CD247: variants seen among roughly 807,000 people sequenced by gnomAD.
CD247 encodes the protein T-cell surface glycoprotein CD3 zeta chain.
CD247 carries 13 observed loss-of-function variants against 30.0 expected under a neutral mutation model. The observed-to-expected ratio is 0.43, with a 90% CI of 0.28 to 0.69. The LOEUF (loss-of-function observed/expected upper bound fraction) is 0.69, where lower values mean the gene tolerates loss of function less well. CD247 is among the 30% of genes least tolerant of loss of function. The probability of loss-of-function intolerance (pLI) is 0.16; values close to 1 mark genes in which losing one functional copy is unlikely to be tolerated. For missense variants in CD247, 193 were observed against 212.6 expected, an observed-to-expected ratio of 0.91 and a Z score of 0.57; for synonymous variants, 72 against 80.0, an observed-to-expected ratio of 0.90 and a Z score of 0.53.
rs553879429 is a variant in CD247 at position 167,448,056 on chromosome 1, C to T, written c.59-7289G>A. Reference sequence around the variant, plus strand: ...CAGCATCCAGGCACCCAGACCATCCCCCTCAGTGGGTTGCTCCCTTTCATC... The same window carrying T: ...CAGCATCCAGGCACCCAGACCATCCTCCTCAGTGGGTTGCTCCCTTTCATC... On this transcript the variant is annotated intron_variant, in intron 1 of 7. Coordinates refer to ENST00000362089, the MANE Select transcript of CD247 (RefSeq NM_198053.3). Among the ~76,000 whole-genome samples, 3 of 152,256 alleles carry T rather than the reference C, an allele frequency of 2.0e-5. No homozygotes were observed. The South Asian group carries it at 6.2e-4, about 32-fold the overall frequency.
chr1:167,440,281 C>T, intron 2 of CD247: 2 of 314,730 alleles, frequency 6.4e-6, no homozygotes, highest in South Asian at 5.9e-5. Context: ...TCCCCAGTTA[C>T]AGATGAGGAA....
chr1:167,470,715 A>AT (rs1462285503), intron 1 of CD247, among the ~76,000 whole-genome samples: 1 of 151,456 alleles, frequency 6.6e-6, no homozygotes, highest in African/African-American at 2.4e-5. Flanking sequence ...AGTATTACCT[A>AT]TTTTTTGACT....
intron 1 of CD247, among the ~76,000 whole-genome samples, chr1:167,466,338 G>T (rs1209207943): frequency 8.6e-5 from 13 of 152,002 alleles, no homozygotes. Context: ...AAAAAAATCA[G>T]TTTGTACTGA....
chr1:167,518,298 G>C, intron 1 of CD247, 110 bp downstream of exon 1: 1 of 996,462 alleles, frequency 1.0e-6, no homozygotes. Flanking sequence ...AGGAGGGCAG[G>C]ATTTGAAGGA....
At position 167,494,457 on chromosome 1, in the gene CD247, A is replaced by G. The variant is rs1049680845; in HGVS notation, c.58+23951T>C. Reference sequence around the variant, plus strand: ...TGAGGAGGACCTCGGGAGAAATCGCATAGCTCCCTGGGCTGCAGTTTTCCC... The same window carrying G: ...TGAGGAGGACCTCGGGAGAAATCGCGTAGCTCCCTGGGCTGCAGTTTTCCC... On this transcript the variant is annotated intron_variant, in intron 1 of 7. Transcript: ENST00000362089. This position sits in a 1 kb window ranked among gnomAD's most constrained non-coding sequence, Gnocchi z 7.3. 5.3e-5 allele frequency among the ~76,000 whole-genome samples: 8 copies of G among 152,154 alleles called. No individual in the cohort carries two copies. Among genetic ancestry groups the G allele is most frequent in the African/African-American group, 1.9e-4 (8 of 41,448 alleles).
chr1:167,475,975 G>C (rs1028864797), intron 1 of CD247, among the ~76,000 whole-genome samples: 1 of 152,144 alleles, frequency 6.6e-6, no homozygotes, highest in Non-Finnish European at 1.5e-5. Context: ...TTGTAGGAGG[G>C]ATAATGGTAG....
In CD247 at chr1:167,440,626, G is replaced by A. The variant is rs770638774; in HGVS notation, c.162+38C>T. ...CCCTCTGAACATCCATCAAGTGGGG[G>A]ACCCCGTGCCCTCCTCCCAAAGCCC... On this transcript the variant is annotated intron_variant, in intron 2 of 7. Coordinates refer to ENST00000362089, the MANE Select transcript of CD247 (RefSeq NM_198053.3). The A allele has an allele frequency of 9.3e-6, 13 of 1,391,080 alleles. No homozygotes were observed. The African/African-American group carries it at 9.9e-5, about 11-fold the overall frequency. 86.2% of individuals were successfully genotyped at this position (1,391,080 alleles called of 1,614,324 possible). A position where few individuals can be genotyped will look rare whatever the true frequency, so the allele number is the denominator to read the frequency against.
chr1:167,454,620 T>C (rs544978560), intron 1 of CD247, among the ~76,000 whole-genome samples: 2 of 152,210 alleles, frequency 1.3e-5, no homozygotes, highest in South Asian at 4.1e-4. Context: ...TACATTTATA[T>C]ATGAACACAG....
intron 2 of CD247, chr1:167,439,642 C>T: frequency 1.1e-5 from 6 of 570,162 alleles, no homozygotes; most frequent in South Asian, 1.0e-4. Flanking sequence ...GGCCCAGGAC[C>T]CGCTGGAGTT....
At chr1:167,506,892 A>ATTTTTT (rs10587631) in intron 1 of CD247, among the ~76,000 whole-genome samples, 8 of 97,992 alleles carry the variant, frequency 8.2e-5, no homozygotes, top group African/African-American at 1.3e-4. Flanking sequence ...GTTCCCTCTG[A>ATTTTTT]TTTTTTTTTT....
intron 1 of CD247, among the ~76,000 whole-genome samples, chr1:167,467,011 T>G (rs1653282823): frequency 6.6e-6 from 1 of 152,144 alleles, no homozygotes; most frequent in Non-Finnish European, 1.5e-5. Context: ...TGCTAATTTT[T>G]TGTATTTTTA....
In CD247 at chr1:167,461,835, C is replaced by CA. The variant is rs11361450; in HGVS notation, c.59-21069dup. On this transcript the variant is annotated intron_variant, in intron 1 of 7. Transcript: ENST00000362089. ...TGCACTCCAGCCTGGGCGACAGGCT[C>CA]AAAAAAAAAAGGAGAAAATAGTCAA... Among the ~76,000 whole-genome samples the CA allele has an allele frequency of 5.8e-3, 867 of 150,648 alleles. 3 individuals are homozygous for CA. Among genetic ancestry groups the CA allele is most frequent in the South Asian group, 0.012 (56 of 4,750 alleles).
Position 167,506,892 on chromosome 1 carries a change from A to ATTT in CD247, c.58+11513_58+11515dup, listed in dbSNP as rs10587631. On this transcript the variant is annotated intron_variant, in intron 1 of 7. Coordinates refer to ENST00000362089, the MANE Select transcript of CD247 (RefSeq NM_198053.3). The stretch of plus-strand genomic sequence containing the variant: ...TATGGCTTATTGTATGTTCCCTCTG[A>ATTT]TTTTTTTTTTTTTTTTTTTTTTGAG... 6.8e-3 allele frequency among the ~76,000 whole-genome samples: 665 copies of ATTT among 97,956 alleles called. 19 individuals carry two copies. Among genetic ancestry groups the ATTT allele is most frequent in the African/African-American group, 0.021 (493 of 23,626 alleles). The allele number at this position is 97,956 out of a possible 152,430, so 64.3% of individuals were successfully genotyped here.
At chr1:167,516,865 A>G (rs947346527) in intron 1 of CD247, among the ~76,000 whole-genome samples, 5 of 152,094 alleles carry the variant, frequency 3.3e-5, no homozygotes, top group African/African-American at 1.2e-4. Flanking sequence ...CCACCCAACA[A>G]TCTTTCATTT....
chr1:167,454,483 T>G (rs1015416616), intron 1 of CD247, among the ~76,000 whole-genome samples: 1 of 152,278 alleles, frequency 6.6e-6, no homozygotes, highest in Non-Finnish European at 1.5e-5. Context: ...GAACAGGGGC[T>G]GGCCCATTTA....
rs1651271610 is a variant in CD247 at position 167,431,675 on chromosome 1, T to C, written c.*6A>G. 1 of 1,613,496 alleles carries C rather than the reference T, an allele frequency of 6.2e-7. No individual in the cohort carries two copies. The highest frequency in any genetic ancestry group is 8.5e-7 in the Non-Finnish European group (1 of 1,179,378). ...CTGGCCTTTGAGTGGTGAAATCCCC[T>C]GGCTGTTAGCGAGGGGGCAGGGCCT... On this transcript the variant is annotated 3_prime_UTR_variant, in exon 8 of 8. Coordinates refer to ENST00000362089, the MANE Select transcript of CD247 (RefSeq NM_198053.3).
chr1:167,464,189 T>C (rs1653140443), intron 1 of CD247, among the ~76,000 whole-genome samples: 2 of 152,132 alleles, frequency 1.3e-5, no homozygotes, highest in East Asian at 1.9e-4. Context: ...TAGTAAAGCC[T>C]AATTTATAAA....
chr1:167,465,647 A>T (rs1045401962), intron 1 of CD247, among the ~76,000 whole-genome samples: 1 of 151,936 alleles, frequency 6.6e-6, no homozygotes, highest in Non-Finnish European at 1.5e-5. Flanking sequence ...TTTCTTCTTC[A>T]CCTGTAGTGT....
intron 1 of CD247, among the ~76,000 whole-genome samples, chr1:167,445,099 T>C (rs576739064): frequency 1.3e-5 from 2 of 152,144 alleles, no homozygotes; most frequent in South Asian, 2.1e-4. Context: ...CTAATTTTTG[T>C]AATTTTAGTA....
Sources: allele counts gnomAD v4.1 joint callset (sites outside exome capture counted in the v4.1 genomes callset), GRCh38; gene constraint gnomAD v4.1.1; non-coding constraint Gnocchi (gnomAD v3.1); transcripts MANE v1.5; gene names NCBI Gene and HGNC (gene_info 2026-07-23, HGNC 2026-07-21).